The following ETV6 variants were observed in gnomAD, a reference collection of about 807,000 sequenced individuals.
ETV6 encodes transcription factor ETV6.
A neutral mutation model predicts 51.1 loss-of-function variants in ETV6; 16 were observed. That is an observed-to-expected ratio of 0.31 (90% CI 0.21 to 0.48). ETV6 has a LOEUF of 0.48. Among genes scored for constraint, ETV6 ranks in the 20% least tolerant of loss-of-function variants. The pLI is 0.99. For missense variants in ETV6, 458 were observed against 594.8 expected (o/e 0.77, Z 2.39); for synonymous variants, 240 against 224.1 (o/e 1.07, Z -0.64).
chr12:11,785,695 T>C (rs893597203), intron 2 of ETV6, among the ~76,000 whole-genome samples: 4 of 152,236 alleles, frequency 2.6e-5, no homozygotes, highest in African/African-American at 9.6e-5. Flanking sequence ...TTGGAAAGAC[T>C]TGCTGCAACA....
At chr12:11,703,511 A>G (rs1005642401) in intron 1 of ETV6, among the ~76,000 whole-genome samples, 7 of 152,094 alleles carry the variant, frequency 4.6e-5, no homozygotes, top group Admixed American at 4.6e-4. Flanking sequence ...CGAGCAAGCC[A>G]ATGAAATGAT....
At chr12:11,858,409 T>A (rs996378477) in intron 4 of ETV6, among the ~76,000 whole-genome samples, 1 of 151,662 alleles carries the variant, frequency 6.6e-6, no homozygotes, top group African/African-American at 2.4e-5. Context: ...TATATATTTT[T>A]TTTTAATTGT....
chr12:11,689,706 T>A (rs1445907095), intron 1 of ETV6, among the ~76,000 whole-genome samples: 1 of 151,868 alleles, frequency 6.6e-6, no homozygotes, highest in Non-Finnish European at 1.5e-5. Context: ...TTCTGCCATG[T>A]CTTTTGTGGA....
intron 2 of ETV6, among the ~76,000 whole-genome samples, chr12:11,814,611 C>T (rs538037020): frequency 6.6e-6 from 1 of 152,190 alleles, no homozygotes; most frequent in Non-Finnish European, 1.5e-5. Context: ...TTAGCATCCA[C>T]ATCATAAAGG....
chr12:11,765,419 C>T (rs1425059478), intron 2 of ETV6, among the ~76,000 whole-genome samples: 1 of 151,818 alleles, frequency 6.6e-6, no homozygotes, highest in Non-Finnish European at 1.5e-5. Context: ...ACCATTCTCT[C>T]TTTTTGTGCT....
At chr12:11,716,082 C>T (rs764219650) in intron 1 of ETV6, among the ~76,000 whole-genome samples, 5 of 152,146 alleles carry the variant, frequency 3.3e-5, no homozygotes, top group Non-Finnish European at 5.9e-5. Context: ...CATTTGGGGC[C>T]GGGCGCGGTG....
At chr12:11,758,164 A>G (rs1176868343) in intron 2 of ETV6, among the ~76,000 whole-genome samples, 1 of 152,176 alleles carries the variant, frequency 6.6e-6, no homozygotes, top group Non-Finnish European at 1.5e-5. Context: ...ATAGACGTGA[A>G]TGGACTTGAA....
At chr12:11,745,439 A>C (rs576438717) in intron 1 of ETV6, among the ~76,000 whole-genome samples, 1 of 152,220 alleles carries the variant, frequency 6.6e-6, no homozygotes, top group African/African-American at 2.4e-5. Flanking sequence ...TGCTACTACA[A>C]GCAAGCCTTG....
intron 1 of ETV6, among the ~76,000 whole-genome samples, chr12:11,659,396 A>G (rs916041): frequency 0.37 from 56,873 of 152,016 alleles, 13,006 homozygotes; most frequent in Non-Finnish European, 0.5. Context: ...CCACCATGCA[A>G]TAAGTGTGGG....
rs1311817712 is a variant in ETV6, at chr12:11,805,346, G to T, written c.164-33794G>T. On this transcript the variant is annotated intron_variant, in intron 2 of 7. Coordinates refer to ENST00000396373, the MANE Select transcript of ETV6 (RefSeq NM_001987.5). ...TTGTGCACCTCCCTCAACTGCCATT[G>T]TTTCCTCTCCCATTCTGTTGTCTTG... Among the ~76,000 whole-genome samples, 3 of 152,300 alleles carry T rather than the reference G, an allele frequency of 2.0e-5. No individual in the cohort carries two copies. In the East Asian group the frequency reaches 5.8e-4, roughly 29 times the overall value.
At chr12:11,660,852 G>A (rs1864088397) in intron 1 of ETV6, among the ~76,000 whole-genome samples, 1 of 152,124 alleles carries the variant, frequency 6.6e-6, no homozygotes, top group Non-Finnish European at 1.5e-5. Flanking sequence ...ATTGACCTGG[G>A]ATCACAGACC....
intron 2 of ETV6, among the ~76,000 whole-genome samples, chr12:11,784,044 C>G (rs1263301252): frequency 1.3e-5 from 2 of 152,186 alleles, no homozygotes; most frequent in East Asian, 3.9e-4. Flanking sequence ...TGCTCAACAC[C>G]GTAGTGTAGG....
chr12:11,748,032 G>T (rs984344560), intron 1 of ETV6, among the ~76,000 whole-genome samples: 10 of 152,240 alleles, frequency 6.6e-5, no homozygotes, highest in African/African-American at 2.4e-4. Context: ...AACACCTGCA[G>T]GGTGGAAAAG....
chr12:11,882,089 C>T (rs1947106195), intron 5 of ETV6, among the ~76,000 whole-genome samples: 1 of 152,154 alleles, frequency 6.6e-6, no homozygotes, highest in Admixed American at 6.5e-5. Flanking sequence ...GGCCACTTGT[C>T]CTTTTCCAAA....
intron 4 of ETV6, among the ~76,000 whole-genome samples, chr12:11,866,234 T>C (rs1946789319): frequency 6.6e-6 from 1 of 152,202 alleles, no homozygotes; most frequent in Admixed American, 6.5e-5. Flanking sequence ...TGGCAGCCTG[T>C]ATGTGTCATC....
intron 1 of ETV6, among the ~76,000 whole-genome samples, chr12:11,749,279 TCC>T (rs1465179080): frequency 1.5e-5 from 2 of 135,958 alleles, no homozygotes; most frequent in African/African-American, 2.9e-5. Flanking sequence ...AAAATCGTTA[TCC>T]CCCCCATACA....
At chr12:11,754,922 A>C (rs2724602) in intron 2 of ETV6, among the ~76,000 whole-genome samples, 5 of 152,194 alleles carry the variant, frequency 3.3e-5, no homozygotes, top group Non-Finnish European at 7.3e-5. Context: ...TTCTATCTCC[A>C]TGTCACACAT....
chr12:11,734,012 A>C (rs1250315434), intron 1 of ETV6, among the ~76,000 whole-genome samples: 3 of 152,166 alleles, frequency 2.0e-5, no homozygotes, highest in Admixed American at 6.5e-5. Flanking sequence ...ATTCCTCCTC[A>C]AGTATCTATC....
At chr12:11,773,167 T>G (rs7967177) in intron 2 of ETV6, among the ~76,000 whole-genome samples, 110,139 of 147,932 alleles carry the variant, frequency 0.74, 42,607 homozygotes, top group South Asian at 0.95. Context: ...ACATTCCAGC[T>G]TAGTGACAGA....
Sources: allele counts gnomAD v4.1 joint callset (sites outside exome capture counted in the v4.1 genomes callset), GRCh38; gene constraint gnomAD v4.1.1; transcripts MANE v1.5; gene names NCBI Gene and HGNC (gene_info 2026-07-23, HGNC 2026-07-21).